Variants in LIN7A observed in about 807,000 individuals in gnomAD.
LIN7A encodes protein lin-7 homolog A.
Under a neutral mutation model 29.8 loss-of-function variants are expected in LIN7A, and 25 were observed. That is an observed-to-expected ratio of 0.84 (90% confidence interval 0.61 to 1.17). LIN7A has a LOEUF of 1.17. LIN7A is among the 50% of genes most tolerant of loss of function. The pLI, the probability that LIN7A is intolerant of heterozygous loss-of-function variation, is 0.00. For missense variants in LIN7A, 239 were observed against 287.0 expected (o/e 0.83, Z 1.21); for synonymous variants, 118 against 107.5 (o/e 1.10, Z -0.60).
chr12:80,892,405 T>C (rs1875671369), intron 1 of LIN7A, among the ~76,000 whole-genome samples: 1 of 152,144 alleles, frequency 6.6e-6, no homozygotes, highest in Admixed American at 6.5e-5. Context: ...GAACTCCAGA[T>C]TATTATCAGC....
intron 5 of LIN7A, among the ~76,000 whole-genome samples, chr12:80,802,760 C>T (rs1284478499): frequency 1.3e-5 from 2 of 151,950 alleles, no homozygotes; most frequent in Non-Finnish European, 2.9e-5. Context: ...TCACCCTCCT[C>T]CTCCTGTGTA....
chr12:80,899,113 G>A (rs1876062990), intron 1 of LIN7A, among the ~76,000 whole-genome samples: 1 of 152,074 alleles, frequency 6.6e-6, no homozygotes, highest in African/African-American at 2.4e-5. Flanking sequence ...GTTGGCTGTG[G>A]GTTTTTCATA....
At chr12:80,878,178 T>G (rs1193729574) in intron 2 of LIN7A, among the ~76,000 whole-genome samples, 3 of 152,224 alleles carry the variant, frequency 2.0e-5, no homozygotes, top group East Asian at 3.9e-4. Flanking sequence ...TAGATATCCT[T>G]AAGATCACTG....
chr12:80,875,282 C>T (rs759296750), intron 2 of LIN7A, among the ~76,000 whole-genome samples: 14 of 152,062 alleles, frequency 9.2e-5, no homozygotes, highest in Non-Finnish European at 1.9e-4. Context: ...AAAATATTTG[C>T]ACATGTACAT....
intron 1 of LIN7A, among the ~76,000 whole-genome samples, chr12:80,899,765 CTTTTCTTTT>C (rs1194560235): frequency 8.2e-5 from 9 of 109,992 alleles, no homozygotes; most frequent in Non-Finnish European, 2.0e-5. Flanking sequence ...TTCTTTTTTT[CTTTTCTTTT>C]TTTTTTTTTT....
chr12:80,887,719 T>C (rs1049086837), intron 2 of LIN7A, among the ~76,000 whole-genome samples: 3 of 152,150 alleles, frequency 2.0e-5, no homozygotes, highest in African/African-American at 7.2e-5. Flanking sequence ...TTATTTATCA[T>C]AGTTTTCTCC....
intron 2 of LIN7A, among the ~76,000 whole-genome samples, chr12:80,857,607 G>A (rs773490425): frequency 6.6e-6 from 1 of 152,110 alleles, no homozygotes; most frequent in Non-Finnish European, 1.5e-5. Context: ...TAACTAGACT[G>A]CAGATATAGA....
At chr12:80,896,653 T>C (rs1875915812) in intron 1 of LIN7A, among the ~76,000 whole-genome samples, 1 of 152,252 alleles carries the variant, frequency 6.6e-6, no homozygotes, top group Non-Finnish European at 1.5e-5. Flanking sequence ...GTTAAATGTG[T>C]TCAAATTTTA....
intron 1 of LIN7A, among the ~76,000 whole-genome samples, chr12:80,932,790 G>A (rs1232442233): frequency 4.6e-5 from 7 of 152,138 alleles, no homozygotes; most frequent in South Asian, 4.1e-4. Flanking sequence ...AAATCCATGC[G>A]GTCTTTAATT....
At chr12:80,910,307 A>T (rs1246715559) in intron 1 of LIN7A, among the ~76,000 whole-genome samples, 2 of 152,180 alleles carry the variant, frequency 1.3e-5, no homozygotes, top group Non-Finnish European at 2.9e-5. Context: ...TTCTCCATAG[A>T]CAATCATATT....
chr12:80,896,633 A>G (rs1213305703), intron 1 of LIN7A, among the ~76,000 whole-genome samples: 6 of 152,238 alleles, frequency 3.9e-5, no homozygotes, highest in Non-Finnish European at 7.3e-5. Flanking sequence ...CCAAAGAAGA[A>G]CTGGTTCAAG....
At chr12:80,844,478 T>C (rs1050070535) in intron 4 of LIN7A, among the ~76,000 whole-genome samples, 3 of 152,176 alleles carry the variant, frequency 2.0e-5, no homozygotes, top group African/African-American at 7.2e-5. Flanking sequence ...ACCAATAAAA[T>C]ATCATGTTCC....
At chr12:80,899,082 C>T (rs927500471) in intron 1 of LIN7A, among the ~76,000 whole-genome samples, 3 of 152,112 alleles carry the variant, frequency 2.0e-5, no homozygotes, top group African/African-American at 4.8e-5. Flanking sequence ...ATGCTTCCAG[C>T]TTTTTCCCAT....
chr12:80,838,823 C>T (rs907951517), intron 4 of LIN7A, among the ~76,000 whole-genome samples: 7 of 152,172 alleles, frequency 4.6e-5, no homozygotes, highest in Admixed American at 3.3e-4. Context: ...TCTTTCCCCT[C>T]TTCATGCAAG....
intron 2 of LIN7A, among the ~76,000 whole-genome samples, chr12:80,854,287 A>G (rs1754594478): frequency 6.6e-6 from 1 of 152,024 alleles, no homozygotes; most frequent in African/African-American, 2.4e-5. Flanking sequence ...TTAAAAAGGA[A>G]CAACTGGCTG....
chr12:80,792,534 C>T lies in LIN7A; in HGVS notation c.*5193G>A, dbSNP rs1183185606. On this transcript the variant is annotated 3_prime_UTR_variant, in exon 6 of 6. Transcript: ENST00000552864. ...AATACTTCCAGTTTGGTGTCTAATA[C>T]TTTTACTTCCCAGCAGCATAATACC... 2.0e-5 allele frequency: 3 copies of T among 152,162 alleles called. No individual in the cohort carries two copies. Among genetic ancestry groups the T allele is most frequent in the Non-Finnish European group, 4.4e-5 (3 of 68,016 alleles). 9.4% of individuals were successfully genotyped at this position (152,162 alleles called of 1,614,324 possible).
At chr12:80,801,782 C>T (rs1870732768) in intron 5 of LIN7A, among the ~76,000 whole-genome samples, 1 of 152,106 alleles carries the variant, frequency 6.6e-6, no homozygotes, top group South Asian at 2.1e-4. Context: ...GCTTATTCCT[C>T]CTGTCTAACT....
chr12:80,860,042 T>C (rs1213582950), intron 2 of LIN7A, among the ~76,000 whole-genome samples: 4 of 152,220 alleles, frequency 2.6e-5, no homozygotes, highest in East Asian at 3.8e-4. Flanking sequence ...ATCAATCCTC[T>C]GATGAGGTGC....
chr12:80,838,901 C>T (rs976851599), intron 4 of LIN7A, among the ~76,000 whole-genome samples: 3 of 152,092 alleles, frequency 2.0e-5, no homozygotes, highest in South Asian at 4.1e-4. Context: ...TTCAGTTAGC[C>T]GGGAATGCAA....
Sources: allele counts gnomAD v4.1 joint callset (sites outside exome capture counted in the v4.1 genomes callset), GRCh38; gene constraint gnomAD v4.1.1; transcripts MANE v1.5; gene names NCBI Gene and HGNC (gene_info 2026-07-23, HGNC 2026-07-21).